The following ACSS3 variants were observed in gnomAD, a reference collection of about 807,000 sequenced individuals.
ACSS3 encodes acyl-CoA synthetase short chain family member 3.
Under a neutral mutation model 84.2 loss-of-function variants are expected in ACSS3, and 64 were observed. The observed-to-expected ratio is 0.76, with a 90% confidence interval of 0.62 to 0.94. The LOEUF (loss-of-function observed/expected upper bound fraction) is 0.94. Among genes scored for constraint, ACSS3 ranks in the 40% least tolerant of loss-of-function variants. The pLI is 0.00. For synonymous variants in ACSS3, 317 were observed against 310.1 expected (o/e 1.02, Z -0.23); for missense variants, 815 against 867.6 (o/e 0.94, Z 0.76).
At chr12:81,205,161 G>A (rs2032291661) in intron 9 of ACSS3, among the ~76,000 whole-genome samples, 1 of 151,994 alleles carries the variant, frequency 6.6e-6, no homozygotes, top group Non-Finnish European at 1.5e-5. Context: ...GATAATTCTG[G>A]ATTTTGTTAA....
rs780601197 is a variant in ACSS3, at chr12:81,199,420, G to T, written c.1330G>T (p.Val444Phe). The change falls in exon 9 of 16, where the codon GTC becomes TTC. Residue 444 changes from valine to phenylalanine, a missense_variant. Transcript: ENST00000548058. ...GTCCAAAAATGTCTTCAGAGTACCT[G>T]TCTTAGACCATTGGTGGCAAACTGG... The part of the protein sequence containing the change: ...EWSKNVFRVP[V>F]LDHWWQTETG... The T allele has an allele frequency of 5.6e-6, 9 of 1,613,256 alleles. No homozygotes were observed. The highest frequency in any genetic ancestry group is 7.6e-6 in the Non-Finnish European group (9 of 1,179,656).
chr12:81,172,511 C>A (rs1403588050), intron 7 of ACSS3, among the ~76,000 whole-genome samples: 1 of 151,870 alleles, frequency 6.6e-6, no homozygotes, highest in Non-Finnish European at 1.5e-5. Context: ...TGGCGTGCAC[C>A]TGTAGTCCCA....
At chr12:81,161,774 C>T (rs767107279) in intron 7 of ACSS3, among the ~76,000 whole-genome samples, 4 of 152,142 alleles carry the variant, frequency 2.6e-5, no homozygotes, top group Middle Eastern at 3.2e-3. Context: ...CTGCCAAGGG[C>T]AAGCCAGGAC....
At chr12:81,132,422 G>A (rs1885563827) in intron 2 of ACSS3, among the ~76,000 whole-genome samples, 1 of 152,150 alleles carries the variant, frequency 6.6e-6, no homozygotes, top group Non-Finnish European at 1.5e-5. Flanking sequence ...GCATAGAGGT[G>A]TTTATAGTAT....
intron 11 of ACSS3, among the ~76,000 whole-genome samples, chr12:81,222,297 T>C (rs2033136072): frequency 6.6e-6 from 1 of 152,120 alleles, no homozygotes; most frequent in African/African-American, 2.4e-5. Context: ...GAATATATTA[T>C]AAATCTTTTT....
intron 1 of ACSS3, among the ~76,000 whole-genome samples, chr12:81,106,970 C>A (rs1286974000): frequency 2.1e-5 from 3 of 141,434 alleles, no homozygotes; most frequent in Non-Finnish European, 3.0e-5. Context: ...GGAGGAGGAG[C>A]AAGTTTGCAG....
intron 13 of ACSS3, among the ~76,000 whole-genome samples, chr12:81,239,500 G>A (rs1487350518): frequency 6.6e-6 from 1 of 151,968 alleles, no homozygotes. Flanking sequence ...AGGTTTAATT[G>A]ACTCATAATC....
intron 1 of ACSS3, among the ~76,000 whole-genome samples, chr12:81,100,001 TCTCA>T (rs1316593118): frequency 6.6e-6 from 1 of 152,076 alleles, no homozygotes; most frequent in African/African-American, 2.4e-5. Flanking sequence ...CATGCCCCAG[TCTCA>T]CTAATTTGAT....
Position 81,231,278 on chromosome 12 carries a change from G to A in ACSS3, c.1596+140G>A, listed in dbSNP as rs2033454089. 3.0e-5 allele frequency: 18 copies of A among 608,690 alleles called. 1 individual carries two copies. The South Asian group carries it at 4.1e-4, about 14-fold the overall frequency. 37.7% of individuals were successfully genotyped at this position (608,690 alleles called of 1,614,324 possible). A position where few individuals can be genotyped will look rare whatever the true frequency, so the allele number is the denominator to read the frequency against. On this transcript the variant is annotated intron_variant, in intron 12 of 15. Transcript: ENST00000548058. ...ATCTGGACCAGTTTCCAGCTCCCAG[G>A]GATAAGAATGCCCAACTCATAATTA... is the stretch of plus-strand genomic sequence containing the variant.
At chr12:81,157,650 T>G (rs548495381) in intron 7 of ACSS3, among the ~76,000 whole-genome samples, 84 of 151,982 alleles carry the variant, frequency 5.5e-4, no homozygotes, top group Non-Finnish European at 9.7e-4. Flanking sequence ...CTACTAAAAA[T>G]ACAAAAATTA....
intron 2 of ACSS3, among the ~76,000 whole-genome samples, chr12:81,134,162 A>G (rs550140829): frequency 1.1e-4 from 16 of 152,078 alleles, no homozygotes; most frequent in Admixed American, 1.0e-3. Context: ...CTATAAAGGC[A>G]GTAGAAAGAG....
At chr12:81,232,382 A>G (rs1431698223) in intron 12 of ACSS3, among the ~76,000 whole-genome samples, 1 of 151,824 alleles carries the variant, frequency 6.6e-6, no homozygotes, top group Admixed American at 6.6e-5. Context: ...ATAATAACAG[A>G]ATAATAACAG....
At chr12:81,092,160 C>G (rs1216395444) in intron 1 of ACSS3, among the ~76,000 whole-genome samples, 1 of 151,864 alleles carries the variant, frequency 6.6e-6, no homozygotes, top group Non-Finnish European at 1.5e-5. Context: ...TTTTTTAGCC[C>G]TGGAGTTTAT....
chr12:81,165,605 CA>C (rs1287890131), intron 7 of ACSS3, among the ~76,000 whole-genome samples: 2 of 151,816 alleles, frequency 1.3e-5, no homozygotes, highest in African/African-American at 4.8e-5. Context: ...AAGATTGCAC[CA>C]CTGCACTTGC....
intron 5 of ACSS3, among the ~76,000 whole-genome samples, chr12:81,149,955 T>C (rs1199539459): frequency 1.3e-5 from 2 of 152,200 alleles, no homozygotes; most frequent in Non-Finnish European, 2.9e-5. Flanking sequence ...GGTTTAAGTA[T>C]TCACTAATTT....
chr12:81,165,169 G>A lies in ACSS3; in HGVS notation c.1099-9619G>A, dbSNP rs548715446. 3.4e-4 allele frequency among the ~76,000 whole-genome samples: 52 copies of A among 152,110 alleles called. 2 individuals carry two copies. In the South Asian group the frequency reaches 0.01, roughly 30 times the overall value. On this transcript the variant is annotated intron_variant, in intron 7 of 15. Coordinates refer to ENST00000548058, the MANE Select transcript of ACSS3 (RefSeq NM_024560.4). ...TTTTTGAGTTCCTTTTTCCCTTTATGTATGTCTATGTTTTATGTTGGAGCT... is the reference window on the plus strand; with the variant it reads ...TTTTTGAGTTCCTTTTTCCCTTTATATATGTCTATGTTTTATGTTGGAGCT...
rs1054478322 is a variant in ACSS3 at position 81,261,116 on chromosome 12, T to G, written c.*6194T>G. 2.6e-5 allele frequency: 4 copies of G among 152,210 alleles called. No individual in the cohort carries two copies. The highest frequency in any genetic ancestry group is 1.3e-4 in the Admixed American group (2 of 15,276). The allele number at this position is 152,210 out of a possible 1,614,324, so 9.4% of individuals were successfully genotyped here. A position where few individuals can be genotyped will look rare whatever the true frequency, so the allele number is the denominator to read the frequency against. ...TTAAAGTAATTTTATTTTGTTCCTA[T>G]ATGTCTTAAATACTTAAAATTTATA... On this transcript the variant is annotated 3_prime_UTR_variant, in exon 16 of 16. Coordinates refer to ENST00000548058, the MANE Select transcript of ACSS3 (RefSeq NM_024560.4).
In ACSS3 at chr12:81,199,407, C is replaced by T. The variant is rs1484930805; in HGVS notation, c.1317C>T (p.Val439=). 7.4e-6 allele frequency: 12 copies of T among 1,613,664 alleles called. No individual in the cohort carries two copies. Among genetic ancestry groups the T allele is most frequent in the Admixed American group, 1.7e-5 (1 of 59,988 alleles). ...AGACCCTGGAATGGTCCAAAAATGT[C>T]TTCAGAGTACCTGTCTTAGACCATT... The part of the protein sequence containing the change: ...DVETLEWSKN[V]FRVPVLDHWW... Residue 439 remains valine, a synonymous_variant, in exon 9 of 16, where the codon GTC becomes GTT. Coordinates refer to ENST00000548058, the MANE Select transcript of ACSS3 (RefSeq NM_024560.4).
At position 81,176,465 on chromosome 12, in the gene ACSS3, T is replaced by C. The variant is rs1394359700; in HGVS notation, c.1250+1526T>C. Among the ~76,000 whole-genome samples the C allele has an allele frequency of 2.0e-5, 3 of 152,192 alleles. No individual in the cohort carries two copies. The East Asian group carries it at 5.8e-4, about 29-fold the overall frequency. ...GGGCCTGACCTGTAGTCCCACCTACTTGGGAGGCTGAGGCAGGAGAATTGC... is the reference window on the plus strand; with the variant it reads ...GGGCCTGACCTGTAGTCCCACCTACCTGGGAGGCTGAGGCAGGAGAATTGC... On this transcript the variant is annotated intron_variant, in intron 8 of 15. Coordinates refer to ENST00000548058, the MANE Select transcript of ACSS3 (RefSeq NM_024560.4).
Sources: gnomAD v4.1 joint callset for allele counts (sites outside exome capture counted in the v4.1 genomes callset) on GRCh38, gnomAD v4.1.1 for gene constraint, MANE v1.5 for transcripts, NCBI Gene and HGNC (gene_info 2026-07-23, HGNC 2026-07-21) for gene names.